The following C7orf57 variants were observed in gnomAD, a reference collection of about 807,000 sequenced individuals.
C7orf57 encodes chromosome 7 open reading frame 57.
C7orf57 carries 33 observed loss-of-function variants against 39.0 expected under a neutral mutation model. The ratio of observed to expected loss-of-function variants is 0.85; its 90% CI spans 0.64 to 1.13. The LOEUF is 1.13. Ranked by LOEUF, C7orf57 falls within the 50% of genes most tolerant of loss-of-function variation. The pLI is 0.00. For synonymous variants in C7orf57, 124 were observed against 137.1 expected (o/e 0.90, Z 0.67); for missense variants, 346 against 362.3 (o/e 0.95, Z 0.37).
intron 8 of C7orf57, among the ~76,000 whole-genome samples, chr7:48,057,148 T>G (rs1174559737): frequency 2.2e-5 from 3 of 139,432 alleles, no homozygotes; most frequent in Non-Finnish European, 4.9e-5. Context: ...GGATTTATTT[T>G]CTATTTCTGT....
rs770740341 is a variant in C7orf57 at position 48,035,622 on chromosome 7, G to A, written c.-110G>A. On this transcript the variant is annotated 5_prime_UTR_variant, in exon 1 of 9. Transcript: ENST00000348904. The surrounding 1 kb of genome is among the most constrained non-coding windows in gnomAD (Gnocchi z 4.0). ...GCGGGCAGCACCCACGGAGACCCGC[G>A]GGGAGCTGGTGAGCCTGAGCGGGCT... 1.6e-4 allele frequency: 107 copies of A among 688,224 alleles called. No homozygotes were observed. The highest frequency in any genetic ancestry group is 3.1e-4 in the Middle Eastern group (1 of 3,272). The allele number at this position is 688,224 out of a possible 1,614,324, so 42.6% of individuals were successfully genotyped here.
chr7:48,051,847 CTTTCTTTCTTTCTT>C (rs1407582530), intron 6 of C7orf57, among the ~76,000 whole-genome samples: 2 of 65,846 alleles, frequency 3.0e-5, no homozygotes, highest in African/African-American at 1.7e-4. Flanking sequence ...TTCTTTCTTT[CTTTCTTTCTTTCTT>C]TCTTTCTTTC....
At chr7:48,054,565 C>A in intron 7 of C7orf57, 30 bp from the exon 8 acceptor site, 1 of 1,535,702 alleles carries the variant, frequency 6.5e-7, no homozygotes, top group Non-Finnish European at 8.8e-7. Context: ...GTTTCATTAA[C>A]CTGAACAACG....
intron 6 of C7orf57, among the ~76,000 whole-genome samples, chr7:48,050,853 G>A (rs1055855599): frequency 2.0e-5 from 3 of 151,876 alleles, no homozygotes; most frequent in African/African-American, 7.3e-5. Flanking sequence ...ATTTTTTGTA[G>A]AGACAAGATC....
chr7:48,053,223 A>G, intron 7 of C7orf57: 1 of 413,202 alleles, frequency 2.4e-6, no homozygotes, highest in Non-Finnish European at 4.6e-6. Context: ...ACCAAATAGT[A>G]TCAACTTTTA....
intron 8 of C7orf57, among the ~76,000 whole-genome samples, chr7:48,054,809 A>C (rs528712969): frequency 6.6e-6 from 1 of 152,322 alleles, no homozygotes; most frequent in Non-Finnish European, 1.5e-5. Flanking sequence ...TAGGGAGAGC[A>C]AAAAGAGGAT....
In C7orf57 at chr7:48,035,742, A is replaced by C. The variant is rs879378119; in HGVS notation, c.-102+112A>C. On this transcript the variant is annotated intron_variant, in intron 1 of 8. Transcript: ENST00000348904. The surrounding 1 kb of genome is among the most constrained non-coding windows in gnomAD (Gnocchi z 4.0). ...TGCGCGCCGGGGCTGGAGGGAGGGG[A>C]CCACCTTGTCGCCGGGTTGGGATGA... is the stretch of plus-strand genomic sequence containing the variant. The C allele has an allele frequency of 1.5e-5, 9 of 582,686 alleles. No homozygotes were observed. The highest frequency in any genetic ancestry group is 2.4e-5 in the Non-Finnish European group (8 of 329,166). 36.1% of individuals were successfully genotyped at this position (582,686 alleles called of 1,614,324 possible). A position where few individuals can be genotyped will look rare whatever the true frequency, so the allele number is the denominator to read the frequency against.
intron 8 of C7orf57, among the ~76,000 whole-genome samples, chr7:48,059,373 C>T (rs1395845334): frequency 6.6e-6 from 1 of 152,076 alleles, no homozygotes; most frequent in African/African-American, 2.4e-5. Context: ...TTTTTTGAGA[C>T]AGGGTCTTGC....
In C7orf57 at chr7:48,051,864, TTTC is replaced by T. The variant is rs1562630350; in HGVS notation, c.606-833_606-831del. 9.5e-4 allele frequency among the ~76,000 whole-genome samples: 58 copies of T among 61,104 alleles called. 10 individuals carry two copies. The highest frequency in any genetic ancestry group is 1.3e-4 in the Non-Finnish European group (4 of 30,710). 40.1% of individuals were successfully genotyped at this position (61,104 alleles called of 152,430 possible). On this transcript the variant is annotated intron_variant, in intron 6 of 8. Transcript: ENST00000348904. ...CTTTCTTTCTTTCTTTCTTTCTTTC[TTTC>T]TTTCTCTTTCTCTTTCTTTCTTTCC...
rs1225612002 is a variant in C7orf57, at chr7:48,052,727, C to T, written c.633C>T (p.Thr211=). Residue 211 remains threonine, a synonymous_variant, in exon 7 of 9, where the codon ACC becomes ACT. Coordinates refer to ENST00000348904, the MANE Select transcript of C7orf57 (RefSeq NM_001100159.3). ...PVPGQKNSSP[T]NFSKLISNGY... Reference sequence around the variant, plus strand: ...CTGGTCAAAAAAACAGTTCACCTACCAATTTTTCCAAACTCATTAGCAATG... The same window carrying T: ...CTGGTCAAAAAAACAGTTCACCTACTAATTTTTCCAAACTCATTAGCAATG... 1 of 1,613,926 alleles carries T rather than the reference C, an allele frequency of 6.2e-7. No homozygotes were observed. The highest frequency in any genetic ancestry group is 1.6e-4 in the Middle Eastern group (1 of 6,062).
At chr7:48,047,793 C>G (rs1366820515) in intron 5 of C7orf57, among the ~76,000 whole-genome samples, 1 of 152,074 alleles carries the variant, frequency 6.6e-6, no homozygotes, top group Non-Finnish European at 1.5e-5. Context: ...CCCTCGAACT[C>G]CTGGGCTCAA....
intron 5 of C7orf57, among the ~76,000 whole-genome samples, chr7:48,049,513 A>G (rs1284158702): frequency 6.6e-6 from 1 of 152,178 alleles, no homozygotes; most frequent in African/African-American, 2.4e-5. Context: ...GTTGGTGGAC[A>G]TCTGGGTTGT....
rs1332752665 is a variant in C7orf57 at position 48,051,864 on chromosome 7, T to C, written c.606-836T>C. 6.5e-4 allele frequency among the ~76,000 whole-genome samples: 40 copies of C among 61,096 alleles called. 1 individual carries two copies. The highest frequency in any genetic ancestry group is 2.6e-3 in the African/African-American group (32 of 12,118). The allele number at this position is 61,096 out of a possible 152,430, so 40.1% of individuals were successfully genotyped here. On this transcript the variant is annotated intron_variant, in intron 6 of 8. Transcript: ENST00000348904. ...CTTTCTTTCTTTCTTTCTTTCTTTC[T>C]TTCTTTCTCTTTCTCTTTCTTTCTT... is the stretch of plus-strand genomic sequence containing the variant.
rs1791269495 is a variant in C7orf57 at position 48,060,795 on chromosome 7, A to G, written c.*523A>G. The G allele has an allele frequency of 1.3e-5, 2 of 152,226 alleles. No individual in the cohort carries two copies. Among genetic ancestry groups the G allele is most frequent in the African/African-American group, 4.8e-5 (2 of 41,464 alleles). The allele number at this position is 152,226 out of a possible 1,614,324, so 9.4% of individuals were successfully genotyped here. ...TTATAAACATTTAATATAAAACATT[A>G]TAACATTTGCTGTTTTAAAATTTTT... On this transcript the variant is annotated 3_prime_UTR_variant, in exon 9 of 9. Coordinates refer to ENST00000348904, the MANE Select transcript of C7orf57 (RefSeq NM_001100159.3).
At chr7:48,037,109 G>A (rs1790394550) in intron 2 of C7orf57, among the ~76,000 whole-genome samples, 1 of 152,104 alleles carries the variant, frequency 6.6e-6, no homozygotes, top group Non-Finnish European at 1.5e-5. Context: ...TAAACATGCT[G>A]CTAGCCCAGA....
At chr7:48,036,107 A>G (rs1583794586) in intron 1 of C7orf57, 101 bp from the exon 2 acceptor site, 1 of 647,888 alleles carries the variant, frequency 1.5e-6, no homozygotes, top group East Asian at 2.7e-5. Context: ...TATACCCTGC[A>G]TGGAAGTGCC....
At position 48,041,276 on chromosome 7, in the gene C7orf57, C is replaced by T. The variant is rs1220749369; in HGVS notation, c.56-58C>T. 7.3e-6 allele frequency: 11 copies of T among 1,513,016 alleles called. No homozygotes were observed. In the East Asian group the frequency reaches 2.3e-4, roughly 31 times the overall value. 93.7% of individuals were successfully genotyped at this position (1,513,016 alleles called of 1,614,324 possible). On this transcript the variant is annotated intron_variant, in intron 2 of 8. Transcript: ENST00000348904. ...CTGCATAGAGATACTCTGGTAGAGG[C>T]CTAGAGGCCACCCCGACACACAGCA...
chr7:48,058,248 T>C (rs974829946), intron 8 of C7orf57, among the ~76,000 whole-genome samples: 6 of 152,196 alleles, frequency 3.9e-5, no homozygotes, highest in East Asian at 1.9e-4. Context: ...TCAATTTTTT[T>C]GGGACAGCTT....
chr7:48,041,417 T>G lies in C7orf57; in HGVS notation c.139T>G (p.Leu47Val). 1.2e-6 allele frequency: 2 copies of G among 1,613,864 alleles called. No homozygotes were observed. The highest frequency in any genetic ancestry group is 1.7e-6 in the Non-Finnish European group (2 of 1,179,842). ...PASQIPGLSN[L>V]GDSHSENLPG... ...GTCCCAGATCCCAGGTCTCAGCAAT[T>G]TGGGAGACTCACACAGCGAGAACCT... The change falls in exon 3 of 9, where the codon TTG becomes GTG. Residue 47 changes from leucine to valine, a missense_variant. Transcript: ENST00000348904.
Sources: gnomAD v4.1 joint callset for allele counts (sites outside exome capture counted in the v4.1 genomes callset) on GRCh38, gnomAD v4.1.1 for gene constraint, Gnocchi (gnomAD v3.1) non-coding constraint, MANE v1.5 for transcripts, NCBI Gene and HGNC (gene_info 2026-07-23, HGNC 2026-07-21) for gene names.